SYN1: variants seen among roughly 807,000 people sequenced by gnomAD.
SYN1 encodes synapsin-1.
Under a neutral mutation model 44.6 loss-of-function variants are expected in SYN1, and 8 were observed. That is an observed-to-expected ratio of 0.18 (90% CI 0.11 to 0.32). SYN1 has a LOEUF of 0.32. SYN1 is among the 10% of genes least tolerant of loss of function. SYN1 has a pLI of 1.00. For missense variants in SYN1, 451 were observed against 639.4 expected, an observed-to-expected ratio of 0.71 and a Z score of 3.18; for synonymous variants, 275 against 280.1, an observed-to-expected ratio of 0.98 and a Z score of 0.18.
intron 5 of SYN1, among the ~76,000 whole-genome samples, chrX:47,598,925 G>A (rs113435851): frequency 0.078 from 8,605 of 111,011 alleles, 715 homozygotes; most frequent in East Asian, 0.23. Flanking sequence ...GGAGGCTGAG[G>A]CAGGAGGGTA....
chrX:47,574,355 A>G lies in SYN1; in HGVS notation c.1629T>C (p.Pro543=), dbSNP rs1027134708. 9.8e-7 allele frequency: 1 copy of G among 1,025,638 alleles called. No individual in the cohort carries two copies. Among genetic ancestry groups the G allele is most frequent in the South Asian group, 3.0e-5 (1 of 33,643 alleles). The allele number at this position is 1,025,638 out of a possible 1,213,427, so 84.5% of individuals were successfully genotyped here. A position where few individuals can be genotyped will look rare whatever the true frequency, so the allele number is the denominator to read the frequency against. The change falls in exon 12 of 13, where the codon CCT becomes CCC. Residue 543 remains proline, a synonymous_variant. Transcript: ENST00000295987. ...SRPVAGGPGA[P]PAARPPASPS... is the part of the protein sequence containing the mutation. ...GAGAGGCGGGCGGGCGGGCTGCTGG[A>G]GGCGCCCCGGGGCCTCCCGCCACTG... is the stretch of plus-strand genomic sequence containing the variant.
At chrX:47,593,764 T>C (rs2057855513) in intron 5 of SYN1, among the ~76,000 whole-genome samples, 1 of 112,074 alleles carries the variant, frequency 8.9e-6, no homozygotes. Context: ...AAACTTTCTC[T>C]ATTTCTTTTA....
chrX:47,616,935 G>T (rs754787020), intron 1 of SYN1, among the ~76,000 whole-genome samples: 2 of 110,642 alleles, frequency 1.8e-5, no homozygotes, highest in Non-Finnish European at 3.8e-5. Flanking sequence ...GGCATTTAAC[G>T]CAGGGTTCTC....
rs1196099985 is a variant in SYN1 at position 47,619,699 on chromosome X, G to A, written c.30C>T (p.Asp10=). The change falls in exon 1 of 13, where the codon GAC becomes GAT. Residue 10 remains aspartate (D), a synonymous_variant. Transcript: ENST00000295987. MNYLRRRLS[D]SNFMANLPNG... Reference sequence around the variant, plus strand: ...TTGGCAGATTGGCCATAAAGTTGCTGTCCGACAGGCGGCGCCGCAGGTAGT... The same window carrying A: ...TTGGCAGATTGGCCATAAAGTTGCTATCCGACAGGCGGCGCCGCAGGTAGT... 8.5e-7 allele frequency: 1 copy of A among 1,171,590 alleles called. No homozygotes were observed. Among genetic ancestry groups the A allele is most frequent in the Admixed American group, 2.5e-5 (1 of 39,287 alleles).
chrX:47,577,151 A>G (rs187784246), intron 6 of SYN1, among the ~76,000 whole-genome samples: 2 of 111,351 alleles, frequency 1.8e-5, no homozygotes, highest in Non-Finnish European at 3.8e-5. Flanking sequence ...GCATGCATGT[A>G]CACACAGACA....
At chrX:47,578,828 G>A (rs1388707807) in intron 5 of SYN1, among the ~76,000 whole-genome samples, 2 of 111,421 alleles carry the variant, frequency 1.8e-5, no homozygotes, top group Non-Finnish European at 3.8e-5. Flanking sequence ...GGCACAGGAA[G>A]CCCGCAGACT....
At chrX:47,582,656 G>A in intron 5 of SYN1, 1 of 321,854 alleles carries the variant, frequency 3.1e-6, no homozygotes, top group Non-Finnish European at 6.3e-6. Flanking sequence ...TCCCAACCCC[G>A]AGGCTCCAAA....
rs1438049483 is a variant in SYN1, at chrX:47,619,338, C to T, written c.377+14G>A. The T allele has an allele frequency of 1.7e-6, 2 of 1,200,913 alleles. No individual in the cohort carries two copies. The highest frequency in any genetic ancestry group is 6.4e-4 in the Middle Eastern group (2 of 3,107). ...GACCCAGGCCCACGGGAGACGTCCGCGGCAGTGGCTTACCAGTCGGTGTGC... is the reference window on the plus strand; with the variant it reads ...GACCCAGGCCCACGGGAGACGTCCGTGGCAGTGGCTTACCAGTCGGTGTGC... On this transcript the variant is annotated intron_variant, in intron 1 of 12. Transcript: ENST00000295987.
At position 47,574,147 on chromosome X, in the gene SYN1, T is replaced by G. The variant is rs1603050300; in HGVS notation, c.1837A>C (p.Thr613Pro). 4.7e-6 allele frequency: 5 copies of G among 1,066,444 alleles called. No homozygotes were observed. The allele number at this position is 1,066,444 out of a possible 1,213,427, so 87.9% of individuals were successfully genotyped here. Residue 613 changes from threonine to proline, a missense_variant, in exon 12 of 13, where the codon ACT becomes CCT. By Grantham distance (38) the Thr-to-Pro change is conservative. Around this residue, in one of 3 missense-constraint regions of SYN1, gnomAD observed 127 missense variants for 154.8 expected, o/e 0.82. Transcript: ENST00000295987. ...GGCTGCTGCGTGGTGGGTGGCCCAG[T>G]GCGGGGCACGGGACCCGCCTGGCTG... ...QASQAGPVPRTGPPTTQQPRP... is the reference protein window; with the variant it reads ...QASQAGPVPRPGPPTTQQPRP...
In SYN1 at chrX:47,583,444, G is replaced by A. The variant is rs769627219; in HGVS notation, c.775-5943C>T. ...GCCCCCTTTGAGCCCCTGGCTTCTG[G>A]CATCCTGTTGTTGCTGTGGCTGATA... On this transcript the variant is annotated intron_variant, in intron 5 of 12. Transcript: ENST00000295987. 43 of 1,204,600 alleles carry A rather than the reference G, an allele frequency of 3.6e-5. No individual in the cohort carries two copies. The South Asian group carries it at 6.9e-4, about 19-fold the overall frequency.
chrX:47,576,695 A>T, intron 6 of SYN1, 55 bp from the exon 7 acceptor site: 1 of 1,198,883 alleles, frequency 8.3e-7, no homozygotes, highest in Non-Finnish European at 1.1e-6. Context: ...AGCTGTGGGG[A>T]GTGGGGGTGC....
intron 5 of SYN1, among the ~76,000 whole-genome samples, chrX:47,591,883 G>A (rs751510456): frequency 4.3e-4 from 48 of 111,605 alleles, no homozygotes; most frequent in Middle Eastern, 4.7e-3. Context: ...TGGCAAAAAC[G>A]AAACTTTACT....
chrX:47,589,063 A>G (rs1192506959), intron 5 of SYN1, among the ~76,000 whole-genome samples: 3 of 110,890 alleles, frequency 2.7e-5, no homozygotes, highest in Non-Finnish European at 3.8e-5. Flanking sequence ...GCACTTTGGG[A>G]GGCCAAGGTG....
Position 47,605,050 on chromosome X carries a change from T to G in SYN1, c.702A>C (p.Arg234=). 1 of 1,211,533 alleles carries G rather than the reference T, an allele frequency of 8.3e-7. No homozygotes were observed. Reference sequence around the variant, plus strand: ...CTTCTGTCCCCAGTTTCTTATGCAGTCGAACCATCTGGGCAAACTATGAGA... The same window carrying G: ...CTTCTGTCCCCAGTTTCTTATGCAGGCGAACCATCTGGGCAAACTATGAGA... The part of the protein sequence containing the change: ...DKPWVFAQMV[R]LHKKLGTEEF... Residue 234 remains arginine, a synonymous_variant, in exon 5 of 13, where the codon CGA becomes CGC. Transcript: ENST00000295987.
intron 1 of SYN1, among the ~76,000 whole-genome samples, 171 bp downstream of exon 1, chrX:47,619,181 G>A (rs971304321): frequency 4.5e-5 from 5 of 111,616 alleles, no homozygotes; most frequent in African/African-American, 1.6e-4. Context: ...GGCGGAGGGG[G>A]GCGACAAGGG....
chrX:47,618,690 C>T (rs145036057), intron 1 of SYN1, among the ~76,000 whole-genome samples: 4 of 110,946 alleles, frequency 3.6e-5, no homozygotes, highest in Non-Finnish European at 5.7e-5. Flanking sequence ...GGCATCCAAT[C>T]AAAACTCACA....
In SYN1 at chrX:47,603,463, A is replaced by T. The variant is rs184880008; in HGVS notation, c.774+1515T>A. Among the ~76,000 whole-genome samples the T allele has an allele frequency of 9.1e-3, 1,017 of 112,261 alleles. 1 individual carries two copies. The highest frequency in any genetic ancestry group is 0.015 in the Non-Finnish European group (797 of 53,235). ...CCTCCCACTTTGGGTTTAAATTTTT[A>T]AAAAATAATTATAACAATTTACAAC... On this transcript the variant is annotated intron_variant, in intron 5 of 12. Coordinates refer to ENST00000295987, the MANE Select transcript of SYN1 (RefSeq NM_006950.3).
chrX:47,601,352 C>T (rs1170681613), intron 5 of SYN1, among the ~76,000 whole-genome samples: 1 of 111,931 alleles, frequency 8.9e-6, no homozygotes, highest in Non-Finnish European at 1.9e-5. Context: ...TGGAAAATCT[C>T]AATAGACCTA....
intron 5 of SYN1, among the ~76,000 whole-genome samples, chrX:47,591,256 C>G (rs1035662762): frequency 8.9e-6 from 1 of 112,651 alleles, no homozygotes; most frequent in African/African-American, 3.2e-5. Flanking sequence ...TCTGTTTCTA[C>G]TCTTGTCAGA....
Sources: allele counts gnomAD v4.1 joint callset (sites outside exome capture counted in the v4.1 genomes callset), GRCh38; gene constraint gnomAD v4.1.1; regional missense constraint gnomAD v4.1.1; transcripts MANE v1.5; gene names NCBI Gene and HGNC (gene_info 2026-07-23, HGNC 2026-07-21).